The following FRMD4A variants were observed in gnomAD, a reference collection of about 807,000 sequenced individuals.
FRMD4A encodes FERM domain containing 4A.
A neutral mutation model predicts 129.1 loss-of-function variants in FRMD4A; 29 were observed. The ratio of observed to expected loss-of-function variants is 0.22; its 90% confidence interval spans 0.17 to 0.31. The LOEUF (loss-of-function observed/expected upper bound fraction) is 0.31, where lower values mean the gene tolerates loss of function less well. Ranked by LOEUF, FRMD4A falls within the 10% of genes least tolerant of loss-of-function variation. The pLI is 1.00. For synonymous variants in FRMD4A, 634 were observed against 571.6 expected, an observed-to-expected ratio of 1.11 and a Z score of -1.56; for missense variants, 1,272 against 1,375.8, an observed-to-expected ratio of 0.92 and a Z score of 1.19.
chr10:14,217,322 G>A (rs749592115), intron 2 of FRMD4A, among the ~76,000 whole-genome samples: 3 of 152,118 alleles, frequency 2.0e-5, no homozygotes, highest in Non-Finnish European at 1.5e-5. Context: ...ACATGTTGTG[G>A]GAGGGACCCA....
chr10:14,099,570 G>A (rs1837191229), intron 2 of FRMD4A, among the ~76,000 whole-genome samples: 1 of 152,096 alleles, frequency 6.6e-6, no homozygotes, highest in Non-Finnish European at 1.5e-5. Flanking sequence ...TTATATGTAG[G>A]TTTCACAACC....
intron 6 of FRMD4A, among the ~76,000 whole-genome samples, chr10:13,766,705 A>G (rs2092298998): frequency 6.6e-6 from 1 of 152,102 alleles, no homozygotes; most frequent in Non-Finnish European, 1.5e-5. Flanking sequence ...AGGTGGCTTT[A>G]TCCTTAAGAT....
At chr10:13,695,814 C>T (rs1479464474) in intron 14 of FRMD4A, among the ~76,000 whole-genome samples, 1 of 152,208 alleles carries the variant, frequency 6.6e-6, no homozygotes, top group African/African-American at 2.4e-5. Flanking sequence ...CTCCTGGATG[C>T]CCCGTGTACA....
intron 15 of FRMD4A, chr10:13,692,635 C>T (rs1048766190): frequency 3.3e-5 from 5 of 151,702 alleles, no homozygotes; most frequent in Non-Finnish European, 5.9e-5. Flanking sequence ...GATGTCTGTC[C>T]TCTCTCTGGT....
chr10:14,099,962 C>T (rs996361010), intron 2 of FRMD4A, among the ~76,000 whole-genome samples: 4 of 152,160 alleles, frequency 2.6e-5, no homozygotes, highest in South Asian at 2.1e-4. Flanking sequence ...CTTCTCCCTC[C>T]GTTCCCTGTC....
intron 13 of FRMD4A, among the ~76,000 whole-genome samples, chr10:13,706,482 A>C (rs1310095146): frequency 6.6e-6 from 1 of 152,100 alleles, no homozygotes; most frequent in East Asian, 1.9e-4. Flanking sequence ...GTGGAGGGAA[A>C]AATAATTTCA....
intron 2 of FRMD4A, among the ~76,000 whole-genome samples, chr10:14,231,642 G>A (rs549663609): frequency 1.8e-4 from 27 of 152,144 alleles, no homozygotes; most frequent in African/African-American, 5.1e-4. Flanking sequence ...CACTGTGCCC[G>A]GCCTCTCATT....
At chr10:13,789,943 T>C (rs1383241610) in intron 5 of FRMD4A, among the ~76,000 whole-genome samples, 1 of 151,904 alleles carries the variant, frequency 6.6e-6, no homozygotes, top group Non-Finnish European at 1.5e-5. Flanking sequence ...AGATGAGAAT[T>C]CTAGAAAGAT....
intron 2 of FRMD4A, among the ~76,000 whole-genome samples, chr10:13,903,092 C>T (rs1037114681): frequency 6.6e-6 from 1 of 152,118 alleles, no homozygotes; most frequent in Non-Finnish European, 1.5e-5. Context: ...TTTGCACTTC[C>T]ATCTGCTTGG....
intron 2 of FRMD4A, among the ~76,000 whole-genome samples, chr10:14,199,693 T>C (rs533731094): frequency 6.6e-6 from 1 of 152,316 alleles, no homozygotes; most frequent in South Asian, 2.1e-4. Flanking sequence ...CCTGTTATTT[T>C]AGACATTTAC....
intron 2 of FRMD4A, among the ~76,000 whole-genome samples, chr10:14,249,049 G>A (rs918226952): frequency 2.0e-5 from 3 of 152,148 alleles, no homozygotes; most frequent in African/African-American, 7.2e-5. Context: ...CAAAACTGAG[G>A]TTCAGATATT....
chr10:14,226,155 T>C (rs888346365), intron 2 of FRMD4A, among the ~76,000 whole-genome samples: 1 of 152,208 alleles, frequency 6.6e-6, no homozygotes, highest in Non-Finnish European at 1.5e-5. Flanking sequence ...TTGATACATA[T>C]GCAGGTTTAT....
At chr10:14,055,462 A>AAACACACACACAC (rs1834476848) in intron 2 of FRMD4A, among the ~76,000 whole-genome samples, 1 of 77,430 alleles carries the variant, frequency 1.3e-5, no homozygotes, top group African/African-American at 5.7e-5. Context: ...CACACACACA[A>AAACACACACACAC]ACACACACAC....
chr10:14,065,317 G>T (rs1437136244), intron 2 of FRMD4A, among the ~76,000 whole-genome samples: 1 of 152,132 alleles, frequency 6.6e-6, no homozygotes, highest in Non-Finnish European at 1.5e-5. Flanking sequence ...CCGAGTAGCT[G>T]GGACTACAGG....
At chr10:13,805,653 C>T (rs2093345883) in intron 4 of FRMD4A, among the ~76,000 whole-genome samples, 1 of 152,180 alleles carries the variant, frequency 6.6e-6, no homozygotes, top group African/African-American at 2.4e-5. Context: ...CTTCCATTCC[C>T]ACCCCACCCC....
At chr10:13,731,729 A>C (rs529585877) in intron 12 of FRMD4A, among the ~76,000 whole-genome samples, 14 of 151,796 alleles carry the variant, frequency 9.2e-5, no homozygotes, top group African/African-American at 3.4e-4. Flanking sequence ...AAAAGAACTT[A>C]TATATGCAAG....
intron 19 of FRMD4A, among the ~76,000 whole-genome samples, chr10:13,661,317 A>G (rs565382233): frequency 6.6e-6 from 1 of 152,246 alleles, no homozygotes; most frequent in South Asian, 2.1e-4. Flanking sequence ...GCTGTGGGAG[A>G]GGCTGGTCTT....
intron 2 of FRMD4A, chr10:14,008,408 T>C (rs762941752): frequency 9.8e-6 from 10 of 1,017,646 alleles, no homozygotes; most frequent in Non-Finnish European, 1.2e-5. Flanking sequence ...GCAGCATCTC[T>C]AGCTTTCTTC....
At chr10:14,156,979 T>C (rs1317507238) in intron 2 of FRMD4A, among the ~76,000 whole-genome samples, 2 of 152,100 alleles carry the variant, frequency 1.3e-5, no homozygotes, top group Non-Finnish European at 2.9e-5. Flanking sequence ...AAGCAGTCGC[T>C]TTTATTGTAT....
Sources: allele counts gnomAD v4.1 joint callset (sites outside exome capture counted in the v4.1 genomes callset), GRCh38; gene constraint gnomAD v4.1.1; transcripts MANE v1.5; gene names NCBI Gene and HGNC (gene_info 2026-07-23, HGNC 2026-07-21).